The following CHAF1A variants were observed in gnomAD, a reference collection of about 807,000 sequenced individuals.
The protein encoded by CHAF1A is CAF-1 subunit A.
A neutral mutation model predicts 93.2 loss-of-function variants in CHAF1A; 5 were observed. The ratio of observed to expected loss-of-function variants is 0.05; its 90% CI spans 0.03 to 0.11. CHAF1A has a LOEUF of 0.11. CHAF1A is among the 10% of genes least tolerant of loss of function. The pLI is 1.00. For synonymous variants in CHAF1A, 504 were observed against 510.3 expected (o/e 0.99, Z 0.17); for missense variants, 1,102 against 1,259.9 (o/e 0.87, Z 1.90).
At chr19:4,436,394 T>C (rs1296038642) in intron 13 of CHAF1A, among the ~76,000 whole-genome samples, 1 of 152,220 alleles carries the variant, frequency 6.6e-6, no homozygotes, top group East Asian at 1.9e-4. Flanking sequence ...ATAGTTCCCC[T>C]GGCTCTGTGG....
intron 13 of CHAF1A, among the ~76,000 whole-genome samples, chr19:4,437,540 A>T (rs1974307619): frequency 6.6e-6 from 1 of 152,028 alleles, no homozygotes. Context: ...CTGTAGAGAC[A>T]GGGTCTATGT....
chr19:4,409,828 G>C (rs1973760356), intron 3 of CHAF1A, 69 bp downstream of exon 3: 4 of 1,514,642 alleles, frequency 2.6e-6, no homozygotes, highest in Middle Eastern at 3.6e-4. Flanking sequence ...AGTCTCCACT[G>C]GGTCACCCAG....
chr19:4,408,380 G>A (rs998039081), intron 2 of CHAF1A, among the ~76,000 whole-genome samples: 1 of 146,880 alleles, frequency 6.8e-6, no homozygotes, highest in African/African-American at 2.5e-5. Flanking sequence ...TTTTAGTAGA[G>A]ACGGGGTTTC....
At chr19:4,443,775 ACCT>A (rs1974443306), downstream of CHAF1A, among the ~76,000 whole-genome samples, 1 of 151,338 alleles carries the variant, frequency 6.6e-6, no homozygotes. Context: ...CTAGAAGGTG[ACCT>A]CCTCCCCGCC....
At chr19:4,446,979 C>T (rs1290412711), downstream of CHAF1A, 3 of 1,539,560 alleles carry the variant, frequency 1.9e-6, no homozygotes, top group South Asian at 1.1e-5. Flanking sequence ...CCTGGCCACA[C>T]CCCACCCAGT....
At chr19:4,423,692 A>T in intron 6 of CHAF1A, 114 bp from the exon 7 acceptor site, 1 of 1,079,500 alleles carries the variant, frequency 9.3e-7, no homozygotes, top group Non-Finnish European at 1.4e-6. Context: ...AAATCACAGT[A>T]GTGCCTTCAA....
intron 3 of CHAF1A, 98 bp downstream of exon 3, chr19:4,409,857 A>G: frequency 7.1e-7 from 1 of 1,407,234 alleles, no homozygotes; most frequent in African/African-American, 1.4e-5. Flanking sequence ...TGGCAGAGTG[A>G]GCGGGGCCAC....
chr19:4,431,898 C>T (rs1974189206), intron 11 of CHAF1A, 54 bp from the exon 12 acceptor site: 1 of 1,545,524 alleles, frequency 6.5e-7, no homozygotes, highest in Non-Finnish European at 8.7e-7. Flanking sequence ...AAAAGAGTGC[C>T]CGGGCATAGG....
intron 4 of CHAF1A, among the ~76,000 whole-genome samples, chr19:4,421,990 C>T (rs1973998185): frequency 6.6e-6 from 1 of 151,846 alleles, no homozygotes; most frequent in South Asian, 2.1e-4. Context: ...TACGGGTACC[C>T]TCCACCACGC....
At chr19:4,446,103 C>A (rs753672836), downstream of CHAF1A, 11 of 1,612,772 alleles carry the variant, frequency 6.8e-6, no homozygotes, top group South Asian at 1.1e-5. Context: ...TCTGCCCTCC[C>A]GAGGCCAGCA....
At chr19:4,436,147 A>AAAAG (rs1568182232) in intron 13 of CHAF1A, among the ~76,000 whole-genome samples, 3 of 149,768 alleles carry the variant, frequency 2.0e-5, no homozygotes, top group African/African-American at 7.6e-5. Flanking sequence ...CCCCCAAAAA[A>AAAAG]AAAAGAAAAG....
intron 3 of CHAF1A, among the ~76,000 whole-genome samples, chr19:4,410,620 AT>A (rs374944169): frequency 1.8e-4 from 28 of 152,204 alleles, no homozygotes; most frequent in Middle Eastern, 3.4e-3. Context: ...ACCTCAAGTA[AT>A]CTGCCCGTCT....
downstream of CHAF1A, chr19:4,449,237 C>G (rs919216511): frequency 6.6e-6 from 1 of 152,442 alleles, no homozygotes; most frequent in African/African-American, 2.4e-5. Flanking sequence ...CCACCCGCAC[C>G]TCCCTGGGCT....
At chr19:4,430,894 G>A (rs1730919758) in intron 11 of CHAF1A, 1 of 497,032 alleles carries the variant, frequency 2.0e-6, no homozygotes, top group Non-Finnish European at 3.7e-6. Context: ...AGGGAGCGTG[G>A]CCATGGTCTG....
At chr19:4,445,289 G>T, downstream of CHAF1A, 1 of 749,084 alleles carries the variant, frequency 1.3e-6, no homozygotes, top group South Asian at 1.7e-5. Context: ...CCTCTCCCTC[G>T]GGGGCTTGGG....
intron 10 of CHAF1A, 30 bp from the exon 11 acceptor site, chr19:4,430,519 G>A: frequency 6.8e-7 from 1 of 1,478,400 alleles, no homozygotes; most frequent in Non-Finnish European, 9.5e-7. Context: ...TTTTCTATCT[G>A]ATGAACTCTT....
chr19:4,445,448 G>C (rs745590188), downstream of CHAF1A: 126 of 1,610,344 alleles, frequency 7.8e-5, no homozygotes, highest in Non-Finnish European at 1.0e-4. Flanking sequence ...GAGAGGAACA[G>C]GGAGAGCATG....
In CHAF1A at chr19:4,423,798, C is replaced by T. The variant is rs1047327562; in HGVS notation, c.1309-8C>T. 8 of 1,613,636 alleles carry T rather than the reference C, an allele frequency of 5.0e-6. No individual in the cohort carries two copies. The highest frequency in any genetic ancestry group is 6.8e-6 in the Non-Finnish European group (8 of 1,179,646). On this transcript the variant is annotated splice_region_variant and splice_polypyrimidine_tract_variant and intron_variant, in intron 6 of 14. Transcript: ENST00000301280. ...CCTCTTTCTCATCACCATCTCTTAA[C>T]ATCACAGCGCATTAAAGCAGAGAAG...
chr19:4,435,691 T>C (rs1974271437), intron 13 of CHAF1A, among the ~76,000 whole-genome samples: 1 of 152,158 alleles, frequency 6.6e-6, no homozygotes, highest in Non-Finnish European at 1.5e-5. Flanking sequence ...ATTTCTAATA[T>C]CTACACTTAA....
Sources: allele counts gnomAD v4.1 joint callset (sites outside exome capture counted in the v4.1 genomes callset), GRCh38; gene constraint gnomAD v4.1.1; transcripts MANE v1.5; gene names NCBI Gene and HGNC (gene_info 2026-07-23, HGNC 2026-07-21).